CRACD: variants seen among roughly 807,000 people sequenced by gnomAD.
CRACD encodes capping protein-inhibiting regulator of actin dynamics.
Under a neutral mutation model 106.8 loss-of-function variants are expected in CRACD, and 56 were observed. That is an observed-to-expected ratio of 0.52 (90% CI 0.42 to 0.66). The LOEUF (loss-of-function observed/expected upper bound fraction) is 0.66. Among genes scored for constraint, CRACD ranks in the 30% least tolerant of loss-of-function variants. The probability of loss-of-function intolerance (pLI) is 0.00; values close to 1 mark genes in which losing one functional copy is unlikely to be tolerated. For missense variants in CRACD, 1,730 were observed against 1,623.2 expected, an observed-to-expected ratio of 1.07 and a Z score of -1.13; for synonymous variants, 754 against 670.8, an observed-to-expected ratio of 1.12 and a Z score of -1.92.
intron 2 of CRACD, among the ~76,000 whole-genome samples, chr4:56,218,142 A>G (rs972722389): frequency 6.6e-6 from 1 of 152,218 alleles, no homozygotes; most frequent in African/African-American, 2.4e-5. Flanking sequence ...TAACTTGATT[A>G]CTTCTAAAAA....
At chr4:56,189,445 C>T (rs1199048773) in intron 2 of CRACD, among the ~76,000 whole-genome samples, 2 of 150,112 alleles carry the variant, frequency 1.3e-5, no homozygotes, top group East Asian at 2.0e-4. Context: ...ATGTGCACAA[C>T]CTGCAGGTTT....
At chr4:56,248,699 A>G (rs545276648) in intron 2 of CRACD, among the ~76,000 whole-genome samples, 1 of 146,504 alleles carries the variant, frequency 6.8e-6, no homozygotes, top group Admixed American at 6.8e-5. Context: ...AGCATTAGGT[A>G]TATCTCCCAA....
chr4:56,142,084 T>TA (rs757544415), intron 1 of CRACD, among the ~76,000 whole-genome samples: 16 of 152,326 alleles, frequency 1.1e-4, no homozygotes, highest in Non-Finnish European at 2.2e-4. Flanking sequence ...AAAAGAAAAT[T>TA]AAAAAACCAC....
chr4:56,123,272 G>A (rs570999148), intron 1 of CRACD, among the ~76,000 whole-genome samples: 3 of 152,316 alleles, frequency 2.0e-5, no homozygotes, highest in Non-Finnish European at 4.4e-5. Context: ...TAGTCTGGGC[G>A]ATTTAAACAA....
chr4:56,275,322 G>C (rs1217677882), intron 3 of CRACD, among the ~76,000 whole-genome samples: 2 of 152,132 alleles, frequency 1.3e-5, no homozygotes, highest in African/African-American at 4.8e-5. Context: ...AGGTGTGGCA[G>C]CAAGTGCCTT....
intron 2 of CRACD, among the ~76,000 whole-genome samples, chr4:56,218,792 A>G (rs1459672906): frequency 6.6e-6 from 1 of 151,964 alleles, no homozygotes; most frequent in Non-Finnish European, 1.5e-5. Flanking sequence ...TCTTCCTATG[A>G]CTGCAAATAA....
intron 1 of CRACD, among the ~76,000 whole-genome samples, chr4:56,126,439 CT>C (rs1234285042): frequency 6.6e-6 from 1 of 152,192 alleles, no homozygotes; most frequent in Non-Finnish European, 1.5e-5. Context: ...ATCATTTAGG[CT>C]TGTTGAAGGT....
At chr4:56,070,323 G>T (rs143628701) in intron 1 of CRACD, among the ~76,000 whole-genome samples, 2,960 of 135,068 alleles carry the variant, frequency 0.022, 40 homozygotes, top group Middle Eastern at 0.057. Context: ...TTTTTGAGAC[G>T]GAGTCTCGCT....
chr4:56,092,841 A>C (rs189504766), intron 1 of CRACD, among the ~76,000 whole-genome samples: 1 of 152,288 alleles, frequency 6.6e-6, no homozygotes, highest in East Asian at 1.9e-4. Context: ...TCCTGCCTCA[A>C]GTAATCCTCC....
At chr4:56,238,611 T>C (rs936881948) in intron 2 of CRACD, among the ~76,000 whole-genome samples, 1 of 152,098 alleles carries the variant, frequency 6.6e-6, no homozygotes, top group Non-Finnish European at 1.5e-5. Context: ...TTTTGGAAAA[T>C]ACAATCTGCC....
intron 1 of CRACD, among the ~76,000 whole-genome samples, chr4:56,154,282 C>G (rs1735690695): frequency 8.2e-6 from 1 of 122,278 alleles, no homozygotes; most frequent in Admixed American, 8.1e-5. Flanking sequence ...GGCTGGGTAA[C>G]ATGGCGAAAC....
chr4:56,317,498 T>C (rs960797334), intron 8 of CRACD, among the ~76,000 whole-genome samples: 24 of 152,152 alleles, frequency 1.6e-4, no homozygotes, highest in Non-Finnish European at 2.9e-4. Context: ...CGGTTGGCAA[T>C]AGAAATTGAA....
chr4:56,316,605 G>C lies in CRACD; in HGVS notation c.3103G>C (p.Ala1035Pro). 3.7e-6 allele frequency: 6 copies of C among 1,613,514 alleles called. No homozygotes were observed. Among genetic ancestry groups the C allele is most frequent in the Non-Finnish European group, 5.1e-6 (6 of 1,179,872 alleles). The part of the protein sequence containing the change: ...KGQKRDEEEE[A>P]TERKPASPPL... The stretch of plus-strand genomic sequence containing the variant: ...ACAGAAGAGGGACGAGGAGGAAGAG[G>C]CGACAGAGAGGAAACCTGCTTCCCC... The change falls in exon 8 of 11, where the codon GCG (alanine) becomes CCG (proline). Residue 1035 changes from alanine (A) to proline (P), a missense_variant. Physicochemically the swap from Ala to Pro is conservative, Grantham distance 27. This residue lies in a region of CRACD where 1,620 missense variants were observed against 1,481.6 expected (regional missense o/e 1.09). Coordinates refer to ENST00000682029, the MANE Select transcript of CRACD (RefSeq NM_001393381.1).
chr4:56,290,843 C>T (rs1018943187), intron 3 of CRACD, among the ~76,000 whole-genome samples: 14 of 152,102 alleles, frequency 9.2e-5, no homozygotes, highest in African/African-American at 3.1e-4. Flanking sequence ...CTCTGTAAGT[C>T]GGGGCTGTGA....
At chr4:56,109,235 A>T (rs899126553) in intron 1 of CRACD, among the ~76,000 whole-genome samples, 1 of 152,262 alleles carries the variant, frequency 6.6e-6, no homozygotes, top group African/African-American at 2.4e-5. Context: ...TATATTAGTA[A>T]TGCAACGAAG....
chr4:56,206,446 A>T (rs2109483100), intron 2 of CRACD, among the ~76,000 whole-genome samples: 1 of 152,358 alleles, frequency 6.6e-6, no homozygotes, highest in East Asian at 1.9e-4. Context: ...GAACTTAGCC[A>T]TAAACGTAAT....
At chr4:56,120,253 G>A (rs1337034016) in intron 1 of CRACD, among the ~76,000 whole-genome samples, 1 of 152,006 alleles carries the variant, frequency 6.6e-6, no homozygotes, top group African/African-American at 2.4e-5. Flanking sequence ...GATGTCACTG[G>A]TCATGTTTTC....
At chr4:56,290,038 G>T (rs1173183996) in intron 3 of CRACD, among the ~76,000 whole-genome samples, 1 of 152,160 alleles carries the variant, frequency 6.6e-6, no homozygotes, top group Non-Finnish European at 1.5e-5. Context: ...CCCTGTCATC[G>T]CTGATACAGT....
chr4:56,190,198 T>C (rs1290949758), intron 2 of CRACD, among the ~76,000 whole-genome samples: 4 of 152,072 alleles, frequency 2.6e-5, no homozygotes, highest in African/African-American at 9.7e-5. Flanking sequence ...ATGTGCCACA[T>C]TTTCTTAATC....
Sources: gnomAD v4.1 joint callset for allele counts (sites outside exome capture counted in the v4.1 genomes callset) on GRCh38, gnomAD v4.1.1 for gene constraint, gnomAD v4.1.1 regional missense constraint, MANE v1.5 for transcripts, NCBI Gene and HGNC (gene_info 2026-07-23, HGNC 2026-07-21) for gene names.